AHNAK: variants seen among roughly 807,000 people sequenced by gnomAD.
AHNAK encodes the protein AHNAK nucleoprotein.
AHNAK carries 23 observed loss-of-function variants against 37.8 expected under a neutral mutation model. The ratio of observed to expected loss-of-function variants is 0.61; its 90% CI spans 0.44 to 0.86. AHNAK has a LOEUF of 0.86. Ranked by LOEUF, AHNAK falls within the 40% of genes least tolerant of loss-of-function variation. The pLI is 0.00. For missense variants in AHNAK, 7,411 were observed against 7,319.4 expected, an observed-to-expected ratio of 1.01 and a Z score of -0.46; for synonymous variants, 2,481 against 2,636.3, an observed-to-expected ratio of 0.94 and a Z score of 1.80.
chr11:62,529,486 G>A lies in AHNAK; in HGVS notation c.4931C>T (p.Pro1644Leu), dbSNP rs1032419609. The A allele has an allele frequency of 5.0e-6, 8 of 1,613,976 alleles. No individual in the cohort carries two copies. Among genetic ancestry groups the A allele is most frequent in the Non-Finnish European group, 6.8e-6 (8 of 1,180,042 alleles). ...GKLKGPKFKM[P>L]EMHFKAPKIS... Reference sequence around the variant, plus strand: ...CTTGGGGGCCTTGAAATGCATCTCAGGCATCTTAAACTTGGGGCCCTTCAA... The same window carrying A: ...CTTGGGGGCCTTGAAATGCATCTCAAGCATCTTAAACTTGGGGCCCTTCAA... The change falls in exon 5 of 5, where the codon CCT becomes CTT. Residue 1644 changes from proline to leucine, a missense_variant. Physicochemically the swap from Pro to Leu is moderately conservative, Grantham distance 98. Transcript: ENST00000378024.
intron 5 of AHNAK, among the ~76,000 whole-genome samples, chr11:62,438,198 TCCTGAGACTGAG>T (rs1565194050): frequency 2.3e-4 from 32 of 141,014 alleles, no homozygotes; most frequent in African/African-American, 2.6e-4. Flanking sequence ...TTTTTTTTTT[TCCTGAGACTGAG>T]TTTTGTTCTG....
chr11:62,543,152 C>G (rs1297136675), intron 1 of AHNAK, among the ~76,000 whole-genome samples: 1 of 152,184 alleles, frequency 6.6e-6, no homozygotes, highest in Non-Finnish European at 1.5e-5. Context: ...GCTTAGCCTG[C>G]TCAGCTGGGG....
rs200902616 is a variant in AHNAK at position 62,454,259 on chromosome 11, A to T, written c.443-20368T>A. Among the ~76,000 whole-genome samples the T allele has an allele frequency of 1.1e-4, 16 of 149,652 alleles. No homozygotes were observed. In the East Asian group the frequency reaches 3.0e-3, roughly 28 times the overall value. On this transcript the variant is annotated intron_variant, in intron 5 of 5. Transcript: ENST00000257247. The stretch of plus-strand genomic sequence containing the variant: ...AAACCCGGTCTCTACTGAAAATACA[A>T]AAAATTAGCCGGGCGTGGTGGCGGG...
rs151116056 is a variant in AHNAK, at chr11:62,459,087, C to T, written c.443-25196G>A. 3.8e-3 allele frequency among the ~76,000 whole-genome samples: 572 copies of T among 152,230 alleles called. 3 individuals carry two copies. Among genetic ancestry groups the T allele is most frequent in the Admixed American group, 8.2e-3 (125 of 15,280 alleles). ...AAACTGGGATGGCTGGTCACCCCAGCACCTCTCCAAACTCCCCACACAAGG... is the reference window on the plus strand; with the variant it reads ...AAACTGGGATGGCTGGTCACCCCAGTACCTCTCCAAACTCCCCACACAAGG... On this transcript the variant is annotated intron_variant, in intron 5 of 5. Coordinates refer to the AHNAK transcript ENST00000257247.
At position 62,518,881 on chromosome 11, in the gene AHNAK, T is replaced by C; in HGVS notation, c.15536A>G (p.Asp5179Gly). The C allele has an allele frequency of 6.2e-7, 1 of 1,614,240 alleles. No individual in the cohort carries two copies. Among genetic ancestry groups the C allele is most frequent in the Non-Finnish European group, 8.5e-7 (1 of 1,180,040 alleles). ...GAAGGACGGTGTTTTGACTTTAGCATCTAGGCCTTCGATGTTGATGTCAGG... is the reference window on the plus strand; with the variant it reads ...GAAGGACGGTGTTTTGACTTTAGCACCTAGGCCTTCGATGTTGATGTCAGG... Reference protein sequence around the residue: ...GAPDINIEGLDAKVKTPSFGI... With the variant: ...GAPDINIEGLGAKVKTPSFGI... The change falls in exon 5 of 5, where the codon GAT becomes GGT. Residue 5179 changes from aspartate (D) to glycine (G), a missense_variant. Coordinates refer to ENST00000378024, the MANE Select transcript of AHNAK (RefSeq NM_001620.3).
At chr11:62,441,992 C>T (rs1938316902) in intron 5 of AHNAK, among the ~76,000 whole-genome samples, 1 of 152,096 alleles carries the variant, frequency 6.6e-6, no homozygotes, top group Admixed American at 6.6e-5. Context: ...CGCAAATCAC[C>T]CTACTCCTTG....
chr11:62,525,546 A>G lies in AHNAK; in HGVS notation c.8871T>C (p.Asn2957=), dbSNP rs1168378247. The G allele has an allele frequency of 2.5e-6, 4 of 1,612,704 alleles. No individual in the cohort carries two copies. The highest frequency in any genetic ancestry group is 1.7e-4 in the Middle Eastern group (1 of 6,050). ...KGPKFKMPEM[N]IKAPKIPMPD... is the part of the protein sequence containing the mutation. ...GCATGGGGATCTTGGGGGCTTTGAT[A>G]TTCATCTCTGGCATCTTGAACTTGG... Residue 2957 remains asparagine, a synonymous_variant, in exon 5 of 5, where the codon AAT becomes AAC. Transcript: ENST00000378024.
At chr11:62,458,072 C>T (rs1475974572) in intron 5 of AHNAK, among the ~76,000 whole-genome samples, 1 of 142,342 alleles carries the variant, frequency 7.0e-6, no homozygotes, top group Non-Finnish European at 1.6e-5. Context: ...CGGCAACATG[C>T]CTGTCTAATT....
chr11:62,483,598 C>T (rs560836961), intron 5 of AHNAK, among the ~76,000 whole-genome samples: 1 of 151,414 alleles, frequency 6.6e-6, no homozygotes, highest in Non-Finnish European at 1.5e-5. Flanking sequence ...GTGGCTCACG[C>T]CTGTAATCCC....
At position 62,519,693 on chromosome 11, in the gene AHNAK, C is replaced by T. The variant is rs779408346; in HGVS notation, c.14724G>A (p.Ser4908=). ...KLSGPSLKMP[S]LEISAPKVTA... is the part of the protein sequence containing the mutation. ...TTACTTTAGGAGCAGATATCTCCAG[C>T]GATGGCATCTTCAAAGATGGGCCAC... Residue 4908 remains serine, a synonymous_variant, in exon 5 of 5, where the codon TCG becomes TCA. Coordinates refer to ENST00000378024, the MANE Select transcript of AHNAK (RefSeq NM_001620.3). 7 of 1,614,016 alleles carry T rather than the reference C, an allele frequency of 4.3e-6. No homozygotes were observed. Among genetic ancestry groups the T allele is most frequent in the South Asian group, 2.2e-5 (2 of 91,040 alleles).
Position 62,520,264 on chromosome 11 carries a change from G to A in AHNAK, c.14153C>T (p.Ala4718Val). 1 of 1,612,310 alleles carries A rather than the reference G, an allele frequency of 6.2e-7. No homozygotes were observed. Among genetic ancestry groups the A allele is most frequent in the Non-Finnish European group, 8.5e-7 (1 of 1,179,672 alleles). The change falls in exon 5 of 5, where the codon GCC becomes GTC. Residue 4718 changes from alanine to valine, a missense_variant. Transcript: ENST00000378024. ...AATATCAGGCATGGAGATCTTGGGG[G>A]CTTTGATGCTCATCTCAGGCATCTT... ...KFKMPEMSIK[A>V]PKISMPDIDL... is the part of the protein sequence containing the mutation.
At chr11:62,487,206 G>T (rs1939411997) in intron 5 of AHNAK, among the ~76,000 whole-genome samples, 1 of 152,190 alleles carries the variant, frequency 6.6e-6, no homozygotes, top group Non-Finnish European at 1.5e-5. Flanking sequence ...TGTATGTCAG[G>T]CACCACTATA....
chr11:62,439,860 G>T (rs1938266748), intron 5 of AHNAK, among the ~76,000 whole-genome samples: 2 of 151,752 alleles, frequency 1.3e-5, no homozygotes, highest in South Asian at 4.2e-4. Context: ...TGGAGATGAG[G>T]TTTTGCCATG....
Position 62,523,348 on chromosome 11 carries a change from A to T in AHNAK, c.11069T>A (p.Val3690Asp). 6.2e-7 allele frequency: 1 copy of T among 1,612,578 alleles called. No homozygotes were observed. ...ACCTTCCACTTTGGGCAAAGACACAACCACATCACCCTTCATTTTGGGTCC... is the reference window on the plus strand; with the variant it reads ...ACCTTCCACTTTGGGCAAAGACACATCCACATCACCCTTCATTTTGGGTCC... The part of the protein sequence containing the change: ...LKGPKMKGDV[V>D]VSLPKVEGDL... The change falls in exon 5 of 5, where the codon GTT (valine) becomes GAT (aspartate). Residue 3690 changes from valine (V) to aspartate (D), a missense_variant. Physicochemically the swap from Val to Asp is radical, Grantham distance 152. Transcript: ENST00000378024.
intron 5 of AHNAK, among the ~76,000 whole-genome samples, chr11:62,434,703 G>A (rs577858353): frequency 8.9e-4 from 136 of 152,200 alleles, no homozygotes; most frequent in Non-Finnish European, 1.6e-3. Context: ...CGAGGCAGGC[G>A]GACCTCCTAA....
intron 5 of AHNAK, chr11:62,491,623 CCTTCCACGTGTGG>C: frequency 9.5e-7 from 1 of 1,049,024 alleles, no homozygotes; most frequent in Non-Finnish European, 1.4e-6. Flanking sequence ...TGAGCCATAT[CCTTCCACGTGTGG>C]CTTCCACAGC....
At chr11:62,493,991 T>C (rs892448889) in intron 4 of AHNAK, among the ~76,000 whole-genome samples, 2 of 151,998 alleles carry the variant, frequency 1.3e-5, no homozygotes. Flanking sequence ...GTGGCTTGGA[T>C]AGATGAATGA....
intron 1 of AHNAK, among the ~76,000 whole-genome samples, chr11:62,541,314 G>A (rs1941116048): frequency 6.6e-6 from 1 of 152,244 alleles, no homozygotes; most frequent in Non-Finnish European, 1.5e-5. Context: ...GTGGTAGGGA[G>A]GGTACCGGCC....
chr11:62,508,269 T>A (rs1441444612), intron 4 of AHNAK, among the ~76,000 whole-genome samples: 6 of 151,954 alleles, frequency 3.9e-5, no homozygotes, highest in South Asian at 4.2e-4. Context: ...AAAAAAAAAA[T>A]TCTTTTTTTA....
Sources: allele counts gnomAD v4.1 joint callset (sites outside exome capture counted in the v4.1 genomes callset), GRCh38; gene constraint gnomAD v4.1.1; transcripts MANE v1.5; gene names NCBI Gene and HGNC (gene_info 2026-07-23, HGNC 2026-07-21).